PCDHA7: variants seen among roughly 807,000 people sequenced by gnomAD.
The protein encoded by PCDHA7 is protocadherin alpha-7.
Under a neutral mutation model 57.2 loss-of-function variants are expected in PCDHA7, and 37 were observed. That is an observed-to-expected ratio of 0.65 (90% CI 0.50 to 0.85). The LOEUF (loss-of-function observed/expected upper bound fraction) is 0.85, where lower values mean the gene tolerates loss of function less well. Ranked by LOEUF, PCDHA7 falls within the 40% of genes least tolerant of loss-of-function variation. The pLI is 0.00. For synonymous variants in PCDHA7, 553 were observed against 558.8 expected, an observed-to-expected ratio of 0.99 and a Z score of 0.15; for missense variants, 1,188 against 1,241.8, an observed-to-expected ratio of 0.96 and a Z score of 0.65.
chr5:140,838,754 T>C lies in PCDHA7; in HGVS notation c.2355+2016T>C, dbSNP rs1775868330. Among the ~76,000 whole-genome samples, 3 of 152,010 alleles carry C rather than the reference T, an allele frequency of 2.0e-5. No individual in the cohort carries two copies. In the South Asian group the frequency reaches 6.2e-4, roughly 32 times the overall value. On this transcript the variant is annotated intron_variant, in intron 1 of 3. Transcript: ENST00000525929. ...AGTTTGAGACCAGCTTGTGCATCTT[T>C]TGTAGAGACTTTGTAAAATTAGCTA...
intron 1 of PCDHA7, among the ~76,000 whole-genome samples, chr5:140,941,192 TTTCTTTCTTCCTTTCTTTCTTCC>T (rs2153649449): frequency 1.0e-5 from 1 of 99,660 alleles, no homozygotes; most frequent in African/African-American, 4.0e-5. Flanking sequence ...CTTCTTTTTT[TTTCTTTCTTCCTTTCTTTCTTCC>T]TTTCTTTCTT....
At chr5:140,859,918 G>A (rs2046091009) in intron 1 of PCDHA7, 1 of 151,762 alleles carries the variant, frequency 6.6e-6, no homozygotes, top group Admixed American at 6.6e-5. Flanking sequence ...TATATTATAA[G>A]TAATATAAAA....
intron 1 of PCDHA7, among the ~76,000 whole-genome samples, chr5:140,902,203 C>CTTTTT (rs148688132): frequency 5.6e-5 from 7 of 124,458 alleles, no homozygotes; most frequent in South Asian, 2.5e-4. Context: ...CTCTCTCTTT[C>CTTTTT]TTTTTTTTTT....
At position 140,882,956 on chromosome 5, in the gene PCDHA7, A is replaced by G; in HGVS notation, c.2355+46218A>G. The stretch of plus-strand genomic sequence containing the variant: ...GCTGACTGGCACAGTTCAGCTGCTC[A>G]TCACGATTCTGGACGTGAATGACAA... On this transcript the variant is annotated intron_variant, in intron 1 of 3. Coordinates refer to ENST00000525929, the MANE Select transcript of PCDHA7 (RefSeq NM_018910.3). The G allele has an allele frequency of 6.2e-7, 1 of 1,614,228 alleles. No individual in the cohort carries two copies. The highest frequency in any genetic ancestry group is 8.5e-7 in the Non-Finnish European group (1 of 1,180,044).
intron 1 of PCDHA7, chr5:140,926,518 C>T (rs1584446348): frequency 4.9e-6 from 1 of 202,636 alleles, no homozygotes; most frequent in Non-Finnish European, 9.8e-6. Context: ...CAGGCTCCGC[C>T]CTGCGCCCGC....
At chr5:140,848,914 T>G in intron 1 of PCDHA7, 4 of 1,608,096 alleles carry the variant, frequency 2.5e-6, no homozygotes, top group Non-Finnish European at 3.4e-6. Context: ...CAAAAGAATC[T>G]GTTCATCGCG....
intron 1 of PCDHA7, among the ~76,000 whole-genome samples, chr5:140,840,246 A>T (rs189141178): frequency 2.6e-5 from 4 of 152,184 alleles, no homozygotes; most frequent in African/African-American, 9.6e-5. Context: ...TCACTATGCT[A>T]TAAAAATTGT....
At chr5:140,984,453 T>C (rs2097104309) in intron 3 of PCDHA7, among the ~76,000 whole-genome samples, 1 of 152,254 alleles carries the variant, frequency 6.6e-6, no homozygotes, top group South Asian at 2.1e-4. Flanking sequence ...CCTTTCTTAC[T>C]GTCCCAGCCC....
At chr5:140,839,340 G>A (rs1354702544) in intron 1 of PCDHA7, among the ~76,000 whole-genome samples, 1 of 150,850 alleles carries the variant, frequency 6.6e-6, no homozygotes, top group Admixed American at 6.6e-5. Context: ...AAGTTGATAG[G>A]GGATCCTCCT....
rs538135807 is a variant in PCDHA7, at chr5:140,873,663, T to C, written c.2355+36925T>C. On this transcript the variant is annotated intron_variant, in intron 1 of 3. Transcript: ENST00000525929. ...GTGAGAACTACATAACACACTATTA[T>C]TATTTGTTTCTTTTTGAGATAGAGT... Among the ~76,000 whole-genome samples the C allele has an allele frequency of 3.3e-5, 5 of 152,342 alleles. No individual in the cohort carries two copies. In the South Asian group the frequency reaches 1.0e-3, roughly 32 times the overall value.
chr5:140,842,695 C>T, intron 1 of PCDHA7: 1 of 1,595,194 alleles, frequency 6.3e-7, no homozygotes, highest in Non-Finnish European at 8.6e-7. Context: ...TCGCGCAGCC[C>T]GAGTACACGG....
Position 140,870,808 on chromosome 5 carries a change from G to A in PCDHA7, c.2355+34070G>A, listed in dbSNP as rs368477795. 1.9e-5 allele frequency: 30 copies of A among 1,613,692 alleles called. No individual in the cohort carries two copies. The highest frequency in any genetic ancestry group is 3.3e-5 in the South Asian group (3 of 91,076). On this transcript the variant is annotated intron_variant, in intron 1 of 3. Coordinates refer to ENST00000525929, the MANE Select transcript of PCDHA7 (RefSeq NM_018910.3). ...CGCGCCGGCACTGCTGGCGACTCAGGCTGGCAGCGCGGGAGGCGCAGTTAA... is the reference window on the plus strand; with the variant it reads ...CGCGCCGGCACTGCTGGCGACTCAGACTGGCAGCGCGGGAGGCGCAGTTAA...
At chr5:140,841,266 C>T in intron 1 of PCDHA7, 3 of 1,522,300 alleles carry the variant, frequency 2.0e-6, no homozygotes, top group Non-Finnish European at 2.6e-6. Flanking sequence ...TCTGAAAGTA[C>T]AGTCGTTCAT....
At chr5:140,925,932 A>G (rs1202634955) in intron 1 of PCDHA7, among the ~76,000 whole-genome samples, 1 of 150,196 alleles carries the variant, frequency 6.7e-6, no homozygotes, top group African/African-American at 2.5e-5. Flanking sequence ...TCCCAAGTAG[A>G]GCCTCTTGGA....
intron 1 of PCDHA7, among the ~76,000 whole-genome samples, chr5:140,900,028 T>C (rs1554188848): frequency 1.3e-5 from 2 of 152,132 alleles, no homozygotes; most frequent in Admixed American, 1.3e-4. Flanking sequence ...CAGTTTGGCC[T>C]TGAATTCCTG....
intron 1 of PCDHA7, among the ~76,000 whole-genome samples, chr5:140,972,725 G>A (rs985697414): frequency 2.7e-5 from 4 of 146,408 alleles, no homozygotes; most frequent in African/African-American, 7.7e-5. Context: ...GTGCAGTGGC[G>A]TAATCCCGGC....
chr5:140,880,801 GAA>G (rs1193515493), intron 1 of PCDHA7, among the ~76,000 whole-genome samples: 5 of 152,182 alleles, frequency 3.3e-5, no homozygotes, highest in African/African-American at 1.2e-4. Flanking sequence ...ATAAATAGGT[GAA>G]TGACTCTAGA....
chr5:140,917,329 G>GC (rs1563018868), intron 1 of PCDHA7, among the ~76,000 whole-genome samples: 1 of 143,930 alleles, frequency 6.9e-6, no homozygotes, highest in Non-Finnish European at 1.5e-5. Flanking sequence ...TGTGGCGGGG[G>GC]AGGGGGGGGA....
intron 1 of PCDHA7, chr5:140,877,802 A>C: frequency 6.2e-7 from 1 of 1,613,434 alleles, no homozygotes; most frequent in Non-Finnish European, 8.5e-7. Flanking sequence ...CCAAGCCTTC[A>C]GCTGTCTCGA....
Sources: gnomAD v4.1 joint callset for allele counts (sites outside exome capture counted in the v4.1 genomes callset) on GRCh38, gnomAD v4.1.1 for gene constraint, MANE v1.5 for transcripts, NCBI Gene and HGNC (gene_info 2026-07-23, HGNC 2026-07-21) for gene names.